Variants in TMPRSS2 observed in about 807,000 individuals in gnomAD.
The protein encoded by TMPRSS2 is transmembrane protease serine 2.
In TMPRSS2, 59 loss-of-function variants were observed where a neutral mutation model predicts 67.4. That is an observed-to-expected ratio of 0.88 (90% CI 0.71 to 1.09). TMPRSS2 has a LOEUF of 1.09. Ranked by LOEUF, TMPRSS2 falls within the 50% of genes least tolerant of loss-of-function variation. The pLI is 0.00. For synonymous variants in TMPRSS2, 257 were observed against 257.0 expected, an observed-to-expected ratio of 1.00 and a Z score of 0.00; for missense variants, 668 against 642.7, an observed-to-expected ratio of 1.04 and a Z score of -0.43.
chr21:41,488,303 C>A, intron 5 of TMPRSS2, 91 bp downstream of exon 5: 1 of 1,477,636 alleles, frequency 6.8e-7, no homozygotes, highest in Non-Finnish European at 9.3e-7. Context: ...ACTGGACGCA[C>A]GCCAGGCCCA....
chr21:41,470,852 G>A lies in TMPRSS2; in HGVS notation c.1076-109C>T, dbSNP rs1316659956. Reference sequence around the variant, plus strand: ...CCTGGCACCCTGGCCACCCTGCCCAGAGGACCCTGCATCCCAACAAGTCCC... The same window carrying A: ...CCTGGCACCCTGGCCACCCTGCCCAAAGGACCCTGCATCCCAACAAGTCCC... On this transcript the variant is annotated intron_variant, in intron 10 of 13. Coordinates refer to ENST00000332149, the MANE Select transcript of TMPRSS2 (RefSeq NM_005656.4). 3.9e-6 allele frequency: 3 copies of A among 760,762 alleles called. No homozygotes were observed. In the Admixed American group the frequency reaches 7.2e-5, roughly 18 times the overall value. 47.1% of individuals were successfully genotyped at this position (760,762 alleles called of 1,614,324 possible).
At position 41,488,294 on chromosome 21, in the gene TMPRSS2, C is replaced by A; in HGVS notation, c.445+100G>T. ...TTCAATGACATCATGTGTCAGCGTA[C>A]TGGACGCACGCCAGGCCCAGTCACC... On this transcript the variant is annotated intron_variant, in intron 5 of 13. Coordinates refer to ENST00000332149, the MANE Select transcript of TMPRSS2 (RefSeq NM_005656.4). The A allele has an allele frequency of 3.5e-6, 5 of 1,411,808 alleles. No homozygotes were observed. The African/African-American group carries it at 4.2e-5, about 12-fold the overall frequency. 87.5% of individuals were successfully genotyped at this position (1,411,808 alleles called of 1,614,324 possible). A position where few individuals can be genotyped will look rare whatever the true frequency, so the allele number is the denominator to read the frequency against.
chr21:41,491,824 C>T (rs533445403), intron 3 of TMPRSS2, among the ~76,000 whole-genome samples: 8 of 152,322 alleles, frequency 5.3e-5, no homozygotes, highest in East Asian at 1.9e-4. Flanking sequence ...GTAGTCAGCG[C>T]GTGGTCAGTA....
chr21:41,507,082 C>G (rs2091463140), intron 1 of TMPRSS2, among the ~76,000 whole-genome samples: 2 of 152,222 alleles, frequency 1.3e-5, no homozygotes, highest in Admixed American at 1.3e-4. Flanking sequence ...TCAGGGCCAC[C>G]GCGCTGTGCT....
intron 5 of TMPRSS2, among the ~76,000 whole-genome samples, chr21:41,480,924 C>T (rs977973034): frequency 3.9e-5 from 6 of 152,208 alleles, no homozygotes; most frequent in African/African-American, 1.4e-4. Flanking sequence ...AGGCGTGAGC[C>T]ATTGCACCTG....
Position 41,478,293 on chromosome 21 carries a change from C to CT in TMPRSS2, c.683+878dup, listed in dbSNP as rs923733069. ...AATGCAAACCTGCCCCAGGCTCCCA[C>CT]TCAGAGGAAAGGTGGCGCGGGGTGA... On this transcript the variant is annotated intron_variant, in intron 7 of 13. Transcript: ENST00000332149. This position sits in a 1 kb window ranked among gnomAD's most constrained non-coding sequence, Gnocchi z 4.0. Among the ~76,000 whole-genome samples, 1 of 152,184 alleles carries CT rather than the reference C, an allele frequency of 6.6e-6. No homozygotes were observed. Among genetic ancestry groups the CT allele is most frequent in the African/African-American group, 2.4e-5 (1 of 41,434 alleles).
In TMPRSS2 at chr21:41,478,897, T is replaced by C. The variant is rs1187305859; in HGVS notation, c.683+275A>G. Among the ~76,000 whole-genome samples the C allele has an allele frequency of 6.6e-6, 1 of 151,996 alleles. No individual in the cohort carries two copies. Among genetic ancestry groups the C allele is most frequent in the African/African-American group, 2.4e-5 (1 of 41,326 alleles). On this transcript the variant is annotated intron_variant, in intron 7 of 13. Coordinates refer to ENST00000332149, the MANE Select transcript of TMPRSS2 (RefSeq NM_005656.4). The surrounding 1 kb of genome is among the most constrained non-coding windows in gnomAD (Gnocchi z 4.0). ...GAAGAGGAAAGAAAACTAAATAGAG[T>C]TGAATGTCGATGTTGCAAGTGTGAG...
At position 41,468,498 on chromosome 21, in the gene TMPRSS2, G is replaced by A. The variant is rs776352407; in HGVS notation, c.1212C>T (p.Leu404=). ...SEVLNAAKVL[L]IETQRCNSRY... is the part of the protein sequence containing the mutation. ...TGCTGTTGCATCTCTGTGTCTCAAT[G>A]AGAAGCACCTTGGCAGCGTTCAGCA... is the stretch of plus-strand genomic sequence containing the variant. The change falls in exon 12 of 14, where the codon CTC becomes CTT. Residue 404 remains leucine (L), a synonymous_variant. Coordinates refer to ENST00000332149, the MANE Select transcript of TMPRSS2 (RefSeq NM_005656.4). 2.5e-6 allele frequency: 4 copies of A among 1,614,062 alleles called. No individual in the cohort carries two copies. The African/African-American group carries it at 5.3e-5, about 22-fold the overall frequency.
chr21:41,475,652 GTGAGGGTTGAGGGAGT>G (rs2091205281), intron 8 of TMPRSS2, among the ~76,000 whole-genome samples: 1 of 73,460 alleles, frequency 1.4e-5, no homozygotes, highest in Non-Finnish European at 2.9e-5. Context: ...GAGGAGGTGA[GTGAGGGTTGAGGGAGT>G]GAGGGGGTGA....
intron 1 of TMPRSS2, 147 bp downstream of exon 1, chr21:41,507,934 C>T (rs1450335455): frequency 1.7e-5 from 25 of 1,490,408 alleles, no homozygotes; most frequent in Non-Finnish European, 2.0e-5. Flanking sequence ...AGCGCTCGAC[C>T]CTCGGGCGCA....
Position 41,464,964 on chromosome 21 carries a change from C to T in TMPRSS2, c.*1178G>A, listed in dbSNP as rs117652812. ...ACTTGGCAATGCAAAAGGGACCCTT[C>T]CCCTGGTTGGAAACCCACAGCATTG... On this transcript the variant is annotated 3_prime_UTR_variant, in exon 14 of 14. Transcript: ENST00000332149. 3.0e-3 allele frequency: 698 copies of T among 233,324 alleles called. 7 individuals are homozygous for T. The highest frequency in any genetic ancestry group is 0.028 in the East Asian group (462 of 16,596). The allele number at this position is 233,324 out of a possible 1,614,324, so 14.5% of individuals were successfully genotyped here.
intron 3 of TMPRSS2, among the ~76,000 whole-genome samples, chr21:41,490,940 C>G (rs548713344): frequency 6.6e-6 from 1 of 152,312 alleles, no homozygotes; most frequent in Non-Finnish European, 1.5e-5. Context: ...CTGGCCACAC[C>G]TGTGCCTCCG....
rs1601557493 is a variant in TMPRSS2, at chr21:41,466,130, A to G, written c.*12T>C. On this transcript the variant is annotated 3_prime_UTR_variant, in exon 14 of 14. Transcript: ENST00000332149. ...TCTTGTAAAACGACGTCAAGGACGA[A>G]GACCATGTGGATTAGCCGTCTGCCT... 6.2e-7 allele frequency: 1 copy of G among 1,614,160 alleles called. No homozygotes were observed. The highest frequency in any genetic ancestry group is 2.2e-5 in the East Asian group (1 of 44,884).
At position 41,464,348 on chromosome 21, in the gene TMPRSS2, A is replaced by C. The variant is rs1324600405; in HGVS notation, c.*1794T>G. Among the ~76,000 whole-genome samples, 2 of 152,234 alleles carry C rather than the reference A, an allele frequency of 1.3e-5. No homozygotes were observed. Among genetic ancestry groups the C allele is most frequent in the Non-Finnish European group, 2.9e-5 (2 of 68,050 alleles). ...ATGTCTTTATTAGGAGCATGGAAAC[A>C]GACTAATAGAATAATAAGAAGGAGT... On this transcript the variant is annotated 3_prime_UTR_variant, in exon 14 of 14. Transcript: ENST00000332149.
intron 7 of TMPRSS2, among the ~76,000 whole-genome samples, chr21:41,477,567 T>A (rs1252601856): frequency 6.6e-6 from 1 of 152,074 alleles, no homozygotes; most frequent in Admixed American, 6.5e-5. Flanking sequence ...CAAACCACCT[T>A]GCAGGAGCCC....
chr21:41,479,079 A>C, intron 7 of TMPRSS2, 93 bp downstream of exon 7: 1 of 973,748 alleles, frequency 1.0e-6, no homozygotes, highest in South Asian at 1.4e-5. Flanking sequence ...CGAGTATTGC[A>C]GCTCAGAGAA....
intron 3 of TMPRSS2, among the ~76,000 whole-genome samples, chr21:41,492,886 G>C (rs1314135403): frequency 6.6e-6 from 1 of 152,174 alleles, no homozygotes; most frequent in Non-Finnish European, 1.5e-5. Flanking sequence ...ATTTCTTAGG[G>C]GGGTAGCTCA....
chr21:41,480,157 A>G (rs543617195), intron 6 of TMPRSS2, among the ~76,000 whole-genome samples: 48 of 152,060 alleles, frequency 3.2e-4, no homozygotes, highest in Non-Finnish European at 6.3e-4. Context: ...GCTGAGAGGC[A>G]CCTTGGAAAA....
At chr21:41,473,078 G>A (rs925701640) in intron 9 of TMPRSS2, among the ~76,000 whole-genome samples, 4 of 152,162 alleles carry the variant, frequency 2.6e-5, no homozygotes, top group African/African-American at 9.7e-5. Context: ...GCTGGTCACG[G>A]CGACATCGTG....
Sources: allele counts gnomAD v4.1 joint callset (sites outside exome capture counted in the v4.1 genomes callset), GRCh38; gene constraint gnomAD v4.1.1; non-coding constraint Gnocchi (gnomAD v3.1); transcripts MANE v1.5; gene names NCBI Gene and HGNC (gene_info 2026-07-23, HGNC 2026-07-21).